Variants in BMAL1 observed in about 807,000 individuals in gnomAD.
BMAL1 encodes the protein basic helix-loop-helix ARNT like 1, also known as basic helix-loop-helix ARNT-like protein 1.
At chr11:13,312,704 C>A in the BMAL1 span, among the ~76,000 whole-genome samples, 6 of 152,318 alleles carry the variant, frequency 3.9e-5, no homozygotes, top group East Asian at 1.2e-3. Context: ...AGGCAGGCTC[C>A]TATTTTGTCT....
chr11:13,333,801 A>G, the BMAL1 span, among the ~76,000 whole-genome samples: 2 of 150,660 alleles, frequency 1.3e-5, no homozygotes, highest in Non-Finnish European at 2.9e-5. Flanking sequence ...TTAGTGACCT[A>G]GTTCTGCTTT....
the BMAL1 span, among the ~76,000 whole-genome samples, chr11:13,321,587 C>G: frequency 6.6e-6 from 1 of 152,118 alleles, no homozygotes; most frequent in Non-Finnish European, 1.5e-5. Context: ...AGAACACTGC[C>G]TGCCACGTGC....
At chr11:13,285,341 C>T in the BMAL1 span, among the ~76,000 whole-genome samples, 1 of 152,176 alleles carries the variant, frequency 6.6e-6, no homozygotes, top group Non-Finnish European at 1.5e-5. Context: ...GTTGTGGGCA[C>T]TGAGGATACA....
the BMAL1 span, among the ~76,000 whole-genome samples, chr11:13,331,927 C>T: frequency 6.6e-6 from 1 of 151,956 alleles, no homozygotes; most frequent in Non-Finnish European, 1.5e-5. Context: ...CAAAGGCCAG[C>T]GGTTTTAGAG....
chr11:13,341,916 C>T, the BMAL1 span, among the ~76,000 whole-genome samples: 2 of 152,240 alleles, frequency 1.3e-5, no homozygotes, highest in African/African-American at 4.8e-5. Flanking sequence ...GGCCAAGGGT[C>T]AGGAAGAGAG....
At chr11:13,282,992 G>A in the BMAL1 span, among the ~76,000 whole-genome samples, 1 of 152,208 alleles carries the variant, frequency 6.6e-6, no homozygotes, top group Admixed American at 6.5e-5. Context: ...ACTTAGGTCT[G>A]CATGGAAGGA....
the BMAL1 span, among the ~76,000 whole-genome samples, chr11:13,300,724 T>C: frequency 5.9e-3 from 899 of 152,346 alleles, 14 homozygotes; most frequent in African/African-American, 0.02. Context: ...GTCTCCTTAA[T>C]TCCAAATGAG....
At chr11:13,369,566 C>T in the BMAL1 span, 1 of 1,607,494 alleles carries the variant, frequency 6.2e-7, no homozygotes, top group Non-Finnish European at 8.5e-7. Context: ...ACTCCCCCTC[C>T]TGACAGACAA....
chr11:13,337,943 CAATT>C, the BMAL1 span, among the ~76,000 whole-genome samples: 1 of 152,120 alleles, frequency 6.6e-6, no homozygotes, highest in Non-Finnish European at 1.5e-5. Flanking sequence ...ACCCCTCTCA[CAATT>C]AATTAGTTCT....
At chr11:13,307,342 G>A in the BMAL1 span, among the ~76,000 whole-genome samples, 15 of 152,206 alleles carry the variant, frequency 9.9e-5, no homozygotes, top group Admixed American at 5.2e-4. Context: ...GTGTCAAGGC[G>A]GGTTCGTAGG....
the BMAL1 span, among the ~76,000 whole-genome samples, chr11:13,290,653 A>G: frequency 6.6e-6 from 1 of 151,994 alleles, no homozygotes; most frequent in African/African-American, 2.4e-5. Context: ...AAGTGCTTAC[A>G]TACTTTTTCT....
chr11:13,320,157 G>C, the BMAL1 span, among the ~76,000 whole-genome samples: 6 of 152,154 alleles, frequency 3.9e-5, no homozygotes, highest in East Asian at 3.9e-4. Flanking sequence ...TGAACTCTTG[G>C]TCCAGGCTGT....
the BMAL1 span, chr11:13,357,016 A>T: frequency 1.2e-6 from 2 of 1,613,892 alleles, no homozygotes; most frequent in Non-Finnish European, 1.7e-6. This position sits in a 1 kb window ranked among gnomAD's most constrained non-coding sequence, Gnocchi z 4.8. Flanking sequence ...TCATCTCCAG[A>T]GAATTATGTT....
At chr11:13,304,565 A>T in the BMAL1 span, among the ~76,000 whole-genome samples, 23 of 152,300 alleles carry the variant, frequency 1.5e-4, no homozygotes, top group African/African-American at 5.3e-4. Flanking sequence ...CCCATTCATG[A>T]CTAGGCTTTC....
chr11:13,307,853 G>A, the BMAL1 span, among the ~76,000 whole-genome samples: 420 of 152,324 alleles, frequency 2.8e-3, 3 homozygotes, highest in African/African-American at 8.9e-3. Context: ...CGAGGCCCGC[G>A]AGTCTGCTTT....
chr11:13,340,367 T>C, the BMAL1 span, among the ~76,000 whole-genome samples: 1 of 152,196 alleles, frequency 6.6e-6, no homozygotes, highest in African/African-American at 2.4e-5. Flanking sequence ...AGGAAATCAT[T>C]GTCCTTGCTT....
chr11:13,355,391 C>G, the BMAL1 span: 3 of 1,194,970 alleles, frequency 2.5e-6, no homozygotes, highest in Non-Finnish European at 3.7e-6. Flanking sequence ...AGTAACTCCC[C>G]AGCAGAAAGA....
chr11:13,356,911 G>T, the BMAL1 span: 2 of 1,585,436 alleles, frequency 1.3e-6, no homozygotes, highest in Non-Finnish European at 1.7e-6. Flanking sequence ...GCCTGTGGGC[G>T]CTCACTGTGT....
the BMAL1 span, chr11:13,385,569 A>G: frequency 1.5e-6 from 1 of 667,774 alleles, no homozygotes; most frequent in Non-Finnish European, 2.6e-6. Flanking sequence ...GTTTGAAATC[A>G]TCCAATAGAA....
Sources: gnomAD v4.1 joint callset for allele counts (sites outside exome capture counted in the v4.1 genomes callset) on GRCh38, gnomAD v4.1.1 for gene constraint, Gnocchi (gnomAD v3.1) non-coding constraint, MANE v1.5 for transcripts, NCBI Gene and HGNC (gene_info 2026-07-23, HGNC 2026-07-21) for gene names.